DNAH6: variants seen among roughly 807,000 people sequenced by gnomAD.
DNAH6 encodes axonemal beta dynein heavy chain 6.
A neutral mutation model predicts 491.4 loss-of-function variants in DNAH6; 340 were observed. The observed-to-expected ratio is 0.69, with a 90% CI of 0.63 to 0.76. DNAH6 has a LOEUF of 0.76. Ranked by LOEUF, DNAH6 falls within the 30% of genes least tolerant of loss-of-function variation. The pLI, the probability that DNAH6 is intolerant of heterozygous loss-of-function variation, is 0.00. For missense variants in DNAH6, 4,443 were observed against 4,972.2 expected, an observed-to-expected ratio of 0.89 and a Z score of 3.20; for synonymous variants, 1,603 against 1,686.1, an observed-to-expected ratio of 0.95 and a Z score of 1.21.
At chr2:84,656,910 C>T in intron 35 of DNAH6, among the ~76,000 whole-genome samples, 1 of 152,022 alleles carries the variant, frequency 6.6e-6, no homozygotes, top group Non-Finnish European at 1.5e-5. Flanking sequence ...AAAAAGTCAT[C>T]ACCAAGCCCA....
intron 11 of DNAH6, among the ~76,000 whole-genome samples, chr2:84,565,048 T>A (rs1681042829): frequency 6.6e-6 from 1 of 152,110 alleles, no homozygotes; most frequent in African/African-American, 2.4e-5. Flanking sequence ...TCTACTTGTT[T>A]GTGGTGTATT....
intron 16 of DNAH6, among the ~76,000 whole-genome samples, 164 bp from the exon 17 acceptor site, chr2:84,593,806 GTT>G (rs545873393): frequency 7.4e-4 from 108 of 145,316 alleles, no homozygotes; most frequent in Middle Eastern, 3.6e-3. Flanking sequence ...GTTTTGTGGA[GTT>G]TTTTTTTTTT....
intron 59 of DNAH6, 89 bp from the exon 60 acceptor site, chr2:84,722,536 C>A: frequency 8.8e-7 from 1 of 1,137,736 alleles, no homozygotes; most frequent in Non-Finnish European, 1.2e-6. Flanking sequence ...ATCCTTATTT[C>A]TTCCCTAGAC....
intron 64 of DNAH6, among the ~76,000 whole-genome samples, chr2:84,764,794 G>A (rs1674923883): frequency 6.6e-6 from 1 of 152,106 alleles, no homozygotes; most frequent in African/African-American, 2.4e-5. Flanking sequence ...ATTCCATGGT[G>A]TATATATACA....
intron 48 of DNAH6, among the ~76,000 whole-genome samples, chr2:84,699,960 G>T (rs1354686183): frequency 6.6e-6 from 1 of 152,168 alleles, no homozygotes; most frequent in East Asian, 1.9e-4. Context: ...CAGCTATCTT[G>T]ACAAAATCTG....
intron 19 of DNAH6, among the ~76,000 whole-genome samples, chr2:84,605,183 T>G (rs867537168): frequency 1.9e-4 from 28 of 145,834 alleles, no homozygotes; most frequent in Middle Eastern, 3.5e-3. Flanking sequence ...CTATCTCTAT[T>G]AAAAATACAA....
intron 59 of DNAH6, among the ~76,000 whole-genome samples, chr2:84,718,992 A>C (rs1438708061): frequency 6.6e-6 from 1 of 152,242 alleles, no homozygotes; most frequent in Non-Finnish European, 1.5e-5. Context: ...TCAGTAAATT[A>C]TTTCTCAGAT....
In DNAH6 at chr2:84,709,440, G is replaced by C. The variant is rs771318535; in HGVS notation, c.9146G>C (p.Arg3049Pro). Residue 3049 changes from arginine to proline, a missense_variant, in exon 55 of 77, where the codon CGG becomes CCG. Arg to Pro is a moderately radical substitution (Grantham distance 103, BLOSUM62 -2). Transcript: ENST00000389394. ...ATTCTTGGAGATCCCTACGAGATAC[G>C]GCAGTGGAACACTGATGGGCTGCCC... The part of the protein sequence containing the change: ...INILGDPYEI[R>P]QWNTDGLPRD... 1.9e-6 allele frequency: 3 copies of C among 1,551,648 alleles called. No homozygotes were observed. In the South Asian group the frequency reaches 3.6e-5, roughly 18 times the overall value.
the DNAH6 span, among the ~76,000 whole-genome samples, chr2:84,473,912 C>T: frequency 7.7e-4 from 118 of 152,262 alleles, no homozygotes; most frequent in Non-Finnish European, 8.8e-4. Flanking sequence ...GATGATATAA[C>T]ATTTTTTAAA....
At chr2:84,803,467 TAAGAC>T (rs2105310358) in intron 70 of DNAH6, among the ~76,000 whole-genome samples, 1 of 152,152 alleles carries the variant, frequency 6.6e-6, no homozygotes, top group East Asian at 1.9e-4. Context: ...TTTTAAAAAT[TAAGAC>T]AAGTGGCAAA....
rs1227721614 is a variant in DNAH6, at chr2:84,619,768, A to G, written c.3656A>G (p.Lys1219Arg). ...CAGGCCGTGCAGCCACACTTAAGGA[A>G]ATGCTTCGACTCCATTTCAAAGCTC... is the stretch of plus-strand genomic sequence containing the variant. ...NPQAVQPHLR[K>R]CFDSISKLEF... Residue 1219 changes from lysine (K) to arginine (R), a missense_variant, in exon 24 of 77, where the codon AAA (lysine) becomes AGA (arginine). Lys to Arg is a conservative substitution (Grantham distance 26). This residue lies in a region of DNAH6 where 2,977 missense variants were observed against 3,296.6 expected (regional missense o/e 0.90). Coordinates refer to ENST00000389394, the MANE Select transcript of DNAH6 (RefSeq NM_001370.2). 2.6e-6 allele frequency: 4 copies of G among 1,551,532 alleles called. No homozygotes were observed. The African/African-American group carries it at 5.5e-5, about 21-fold the overall frequency.
intron 76 of DNAH6, among the ~76,000 whole-genome samples, chr2:84,818,437 A>C (rs1680698496): frequency 1.4e-5 from 2 of 147,818 alleles, no homozygotes; most frequent in Non-Finnish European, 3.0e-5. Context: ...GTTAGCCATA[A>C]TCAAACCACT....
At chr2:84,601,162 A>G (rs1685210946) in intron 18 of DNAH6, among the ~76,000 whole-genome samples, 1 of 151,488 alleles carries the variant, frequency 6.6e-6, no homozygotes, top group Non-Finnish European at 1.5e-5. Context: ...AGTAAGAAAG[A>G]GCTCAGAAAA....
intron 14 of DNAH6, among the ~76,000 whole-genome samples, chr2:84,581,783 A>G (rs570244322): frequency 3.3e-5 from 5 of 152,356 alleles, no homozygotes; most frequent in Admixed American, 6.5e-5. Context: ...TTAATTATAA[A>G]GATGTTAAGT....
chr2:84,718,416 G>T lies in DNAH6; in HGVS notation c.9792+32G>T. On this transcript the variant is annotated intron_variant, in intron 59 of 76. Coordinates refer to ENST00000389394, the MANE Select transcript of DNAH6 (RefSeq NM_001370.2). ...AAAATATTTTTAGTACTTATGGAAA[G>T]TATGTTACTTCAAAAGTTATAACTA... The T allele has an allele frequency of 2.0e-6, 3 of 1,466,466 alleles. No individual in the cohort carries two copies. The South Asian group carries it at 4.4e-5, about 21-fold the overall frequency. 90.8% of individuals were successfully genotyped at this position (1,466,466 alleles called of 1,614,324 possible).
intron 11 of DNAH6, among the ~76,000 whole-genome samples, chr2:84,561,012 C>G (rs1435142273): frequency 1.3e-5 from 2 of 151,460 alleles, no homozygotes; most frequent in African/African-American, 2.4e-5. Flanking sequence ...ATTTCTAGTT[C>G]TAGATCCCTG....
At chr2:84,550,882 G>A (rs1679280061) in intron 9 of DNAH6, among the ~76,000 whole-genome samples, 1 of 152,126 alleles carries the variant, frequency 6.6e-6, no homozygotes, top group African/African-American at 2.4e-5. Context: ...TGCTTTGAGG[G>A]GATGGCCTTT....
At position 84,722,700 on chromosome 2, in the gene DNAH6, A is replaced by G; in HGVS notation, c.9868A>G (p.Lys3290Glu). The change falls in exon 60 of 77, where the codon AAG becomes GAG. Residue 3290 changes from lysine (K) to glutamate (E), a missense_variant. Lys to Glu is a moderately conservative substitution (Grantham distance 56, BLOSUM62 1). Coordinates refer to ENST00000389394, the MANE Select transcript of DNAH6 (RefSeq NM_001370.2). ...GCAGATGATCAATGTGGCTCGTGAG[A>G]AGTATCGTCCAGTGGCCACTCAAGG... ...TEQMINVARE[K>E]YRPVATQGSV... The G allele has an allele frequency of 1.3e-6, 2 of 1,549,262 alleles. No homozygotes were observed. Among genetic ancestry groups the G allele is most frequent in the Non-Finnish European group, 1.7e-6 (2 of 1,146,242 alleles).
intron 29 of DNAH6, among the ~76,000 whole-genome samples, chr2:84,628,021 T>C (rs1292718977): frequency 1.3e-5 from 2 of 152,204 alleles, no homozygotes; most frequent in Non-Finnish European, 2.9e-5. Context: ...TTGAGAACTT[T>C]AGAGCCTTCT....
Sources: allele counts gnomAD v4.1 joint callset (sites outside exome capture counted in the v4.1 genomes callset), GRCh38; gene constraint gnomAD v4.1.1; regional missense constraint gnomAD v4.1.1; transcripts MANE v1.5; gene names NCBI Gene and HGNC (gene_info 2026-07-23, HGNC 2026-07-21).